Variants in CDC42SE2 observed in about 807,000 individuals in gnomAD.
The protein encoded by CDC42SE2 is CDC42 small effector protein 2.
CDC42SE2 carries 3 observed loss-of-function variants against 11.5 expected under a neutral mutation model. The ratio of observed to expected loss-of-function variants is 0.26; its 90% confidence interval spans 0.12 to 0.67. The LOEUF (loss-of-function observed/expected upper bound fraction) is 0.67. CDC42SE2 is among the 30% of genes least tolerant of loss of function. The pLI is 0.80. For synonymous variants in CDC42SE2, 33 were observed against 34.8 expected, an observed-to-expected ratio of 0.95 and a Z score of 0.18; for missense variants, 82 against 106.8, an observed-to-expected ratio of 0.77 and a Z score of 1.02.
At chr5:131,387,277 G>T (rs765817949) in intron 4 of CDC42SE2, among the ~76,000 whole-genome samples, 2 of 152,130 alleles carry the variant, frequency 1.3e-5, no homozygotes, top group Non-Finnish European at 2.9e-5. Context: ...GGCCAGGCAC[G>T]GTGGCTCACG....
the CDC42SE2 span, among the ~76,000 whole-genome samples, chr5:131,212,600 T>C: frequency 6.6e-6 from 1 of 152,222 alleles, no homozygotes; most frequent in African/African-American, 2.4e-5. Context: ...TATGTGTAGC[T>C]GTTAGGGTTT....
chr5:131,321,417 T>G (rs1758184348), intron 2 of CDC42SE2, among the ~76,000 whole-genome samples: 1 of 152,126 alleles, frequency 6.6e-6, no homozygotes, highest in Admixed American at 6.6e-5. Flanking sequence ...TCCTAGTTAT[T>G]TGGGAGGCTG....
At chr5:131,286,991 A>G (rs995154916) in intron 1 of CDC42SE2, among the ~76,000 whole-genome samples, 2 of 151,738 alleles carry the variant, frequency 1.3e-5, no homozygotes, top group African/African-American at 4.8e-5. Flanking sequence ...TTTATTTACT[A>G]TTTTATTCTA....
the CDC42SE2 span, among the ~76,000 whole-genome samples, chr5:131,240,420 G>A: frequency 3.3e-5 from 5 of 152,138 alleles, no homozygotes; most frequent in Non-Finnish European, 7.3e-5. Context: ...TAATATTAAG[G>A]TGAAACCAAA....
chr5:131,239,783 C>G, the CDC42SE2 span, among the ~76,000 whole-genome samples: 16 of 152,182 alleles, frequency 1.1e-4, no homozygotes, highest in African/African-American at 3.9e-4. Flanking sequence ...CTGGAAGAAG[C>G]TTAACTTTAA....
At chr5:131,282,043 G>A (rs1188590242) in intron 1 of CDC42SE2, among the ~76,000 whole-genome samples, 1 of 152,188 alleles carries the variant, frequency 6.6e-6, no homozygotes, top group Admixed American at 6.6e-5. Flanking sequence ...CTAGAAACAT[G>A]TATAACCCAG....
At chr5:131,335,519 C>G (rs906963913) in intron 2 of CDC42SE2, among the ~76,000 whole-genome samples, 24 of 152,188 alleles carry the variant, frequency 1.6e-4, no homozygotes, top group African/African-American at 5.5e-4. Context: ...TCCTGGATAT[C>G]CTTGTTAACT....
chr5:131,383,319 C>G (rs1750378042), intron 3 of CDC42SE2, among the ~76,000 whole-genome samples: 1 of 152,130 alleles, frequency 6.6e-6, no homozygotes, highest in African/African-American at 2.4e-5. Flanking sequence ...TAGACAAAAG[C>G]CTCTTTTGAC....
rs555421910 is a variant in CDC42SE2 at position 131,388,927 on chromosome 5, G to C, written c.157-2066G>C. 1.2e-3 allele frequency among the ~76,000 whole-genome samples: 185 copies of C among 152,206 alleles called. 1 individual carries two copies. The highest frequency in any genetic ancestry group is 4.1e-3 in the African/African-American group (170 of 41,536). ...TGCTTACTGCAGCCTTGACCGCCTA[G>C]GCTCAATCGATCATCCTGCCTCAGC... On this transcript the variant is annotated intron_variant, in intron 4 of 4. Transcript: ENST00000505065.
chr5:131,231,699 C>T, the CDC42SE2 span, among the ~76,000 whole-genome samples: 1 of 152,178 alleles, frequency 6.6e-6, no homozygotes, highest in Admixed American at 6.5e-5. Flanking sequence ...CTTACCTTTG[C>T]TTTTTGTTTC....
intron 2 of CDC42SE2, among the ~76,000 whole-genome samples, chr5:131,348,143 A>G (rs1173576656): frequency 6.6e-6 from 1 of 152,212 alleles, no homozygotes; most frequent in Non-Finnish European, 1.5e-5. Context: ...AGTTCTGGCA[A>G]GGGCAATCAG....
chr5:131,322,101 C>A (rs1262225016), intron 2 of CDC42SE2, among the ~76,000 whole-genome samples: 1 of 152,186 alleles, frequency 6.6e-6, no homozygotes, highest in African/African-American at 2.4e-5. Flanking sequence ...TCACCTGCCT[C>A]GGGCTCCCAA....
chr5:131,297,349 T>A (rs1206643418), intron 1 of CDC42SE2, among the ~76,000 whole-genome samples: 4 of 152,102 alleles, frequency 2.6e-5, no homozygotes, highest in Non-Finnish European at 4.4e-5. Flanking sequence ...AACCTTTAAC[T>A]CTTTCTCATC....
At chr5:131,216,461 C>T in the CDC42SE2 span, among the ~76,000 whole-genome samples, 1 of 140,596 alleles carries the variant, frequency 7.1e-6, no homozygotes, top group Non-Finnish European at 1.5e-5. Flanking sequence ...GTGGTCACAC[C>T]ACTGCACTCT....
At chr5:131,287,687 T>C (rs987049494) in intron 1 of CDC42SE2, among the ~76,000 whole-genome samples, 16 of 152,028 alleles carry the variant, frequency 1.1e-4, no homozygotes. Flanking sequence ...TTGCCCAGGC[T>C]GGTCTCGAAC....
At chr5:131,362,030 C>G (rs1346811114) in intron 3 of CDC42SE2, among the ~76,000 whole-genome samples, 2 of 152,030 alleles carry the variant, frequency 1.3e-5, no homozygotes, top group Non-Finnish European at 2.9e-5. Flanking sequence ...CCAGGGTGGT[C>G]TTGGAAAATG....
At position 131,301,798 on chromosome 5, in the gene CDC42SE2, TA is replaced by T. The variant is rs1757688665; in HGVS notation, c.-454-14172del. On this transcript the variant is annotated intron_variant, in intron 1 of 4. Coordinates refer to ENST00000505065, the MANE Select transcript of CDC42SE2 (RefSeq NM_001375635.1). The stretch of plus-strand genomic sequence containing the variant: ...TTAAAAAAGTTAAAAGTCCTCTGAC[TA>T]AAAAACAACTCTGACTTGCTAATTG... Among the ~76,000 whole-genome samples, 9 of 151,858 alleles carry T rather than the reference TA, an allele frequency of 5.9e-5. No individual in the cohort carries two copies. In the South Asian group the frequency reaches 1.9e-3, roughly 32 times the overall value.
In CDC42SE2 at chr5:131,348,261, A is replaced by G. The variant is rs560905664; in HGVS notation, c.-285-10948A>G. Reference sequence around the variant, plus strand: ...CTAGAAAACCCCATCATCTCAGCCCAAAATCTCCTTAAGCTGATAAGCAAC... The same window carrying G: ...CTAGAAAACCCCATCATCTCAGCCCGAAATCTCCTTAAGCTGATAAGCAAC... On this transcript the variant is annotated intron_variant, in intron 2 of 4. Transcript: ENST00000505065. Among the ~76,000 whole-genome samples, 4 of 152,328 alleles carry G rather than the reference A, an allele frequency of 2.6e-5. No homozygotes were observed. The East Asian group carries it at 7.7e-4, about 29-fold the overall frequency.
In CDC42SE2 at chr5:131,311,974, C is replaced by G. The variant is rs954167230; in HGVS notation, c.-454-4002C>G. 3.3e-5 allele frequency among the ~76,000 whole-genome samples: 5 copies of G among 152,318 alleles called. No individual in the cohort carries two copies. The South Asian group carries it at 6.2e-4, about 19-fold the overall frequency. ...AAGTCATTCCCTGTCCAGCTTTGTT[C>G]TGTTGCTGGTGAGGAACTGCATTCC... On this transcript the variant is annotated intron_variant, in intron 1 of 4. Coordinates refer to ENST00000505065, the MANE Select transcript of CDC42SE2 (RefSeq NM_001375635.1).
Sources: gnomAD v4.1 joint callset for allele counts (sites outside exome capture counted in the v4.1 genomes callset) on GRCh38, gnomAD v4.1.1 for gene constraint, MANE v1.5 for transcripts, NCBI Gene and HGNC (gene_info 2026-07-23, HGNC 2026-07-21) for gene names.